Variants in UBASH3B observed in about 807,000 individuals in gnomAD.
UBASH3B encodes the protein ubiquitin-associated and SH3 domain-containing protein B.
A neutral mutation model predicts 83.4 loss-of-function variants in UBASH3B; 37 were observed. That is an observed-to-expected ratio of 0.44 (90% CI 0.34 to 0.58). UBASH3B has a LOEUF of 0.58. Ranked by LOEUF, UBASH3B falls within the 20% of genes least tolerant of loss-of-function variation. UBASH3B has a pLI of 0.01. For missense variants in UBASH3B, 657 were observed against 827.2 expected (o/e 0.79, Z 2.52); for synonymous variants, 304 against 318.3 (o/e 0.96, Z 0.48).
intron 1 of UBASH3B, among the ~76,000 whole-genome samples, chr11:122,678,255 C>A (rs1459125616): frequency 2.6e-5 from 4 of 152,178 alleles, no homozygotes; most frequent in African/African-American, 9.6e-5. Context: ...GAGAGAATAC[C>A]TATGTGACTG....
chr11:122,712,833 G>A lies in UBASH3B; in HGVS notation c.161+56623G>A, dbSNP rs1410775230. Reference sequence around the variant, plus strand: ...GATGAATGAGGAATAGTGGTACAGGGATGTACATCTCTGAGCTGAGCCCCA... The same window carrying A: ...GATGAATGAGGAATAGTGGTACAGGAATGTACATCTCTGAGCTGAGCCCCA... On this transcript the variant is annotated intron_variant, in intron 1 of 13. Transcript: ENST00000284273. Among the ~76,000 whole-genome samples, 8 of 150,038 alleles carry A rather than the reference G, an allele frequency of 5.3e-5. No individual in the cohort carries two copies. In the East Asian group the frequency reaches 1.6e-3, roughly 30 times the overall value.
chr11:122,718,144 C>A (rs1025230347), intron 1 of UBASH3B, among the ~76,000 whole-genome samples: 2 of 152,102 alleles, frequency 1.3e-5, no homozygotes, highest in East Asian at 3.9e-4. Context: ...AGGCAGGCCT[C>A]GAGCTCCTAA....
At position 122,774,295 on chromosome 11, in the gene UBASH3B, T is replaced by C. The variant is rs907991240; in HGVS notation, c.162-1924T>C. The C allele has an allele frequency of 4.1e-6, 4 of 985,334 alleles. No homozygotes were observed. The African/African-American group carries it at 7.0e-5, about 17-fold the overall frequency. The allele number at this position is 985,334 out of a possible 1,614,324, so 61.0% of individuals were successfully genotyped here. ...AGGCTTGCCTTTTACAGTGCTGTTCTCATTAGCTGTGCAGACTTCCTTATC... is the reference window on the plus strand; with the variant it reads ...AGGCTTGCCTTTTACAGTGCTGTTCCCATTAGCTGTGCAGACTTCCTTATC... On this transcript the variant is annotated intron_variant, in intron 1 of 13. Transcript: ENST00000284273.
At chr11:122,747,818 G>C (rs1264105643) in intron 1 of UBASH3B, among the ~76,000 whole-genome samples, 1 of 152,206 alleles carries the variant, frequency 6.6e-6, no homozygotes, top group African/African-American at 2.4e-5. Flanking sequence ...AAACTGCCTG[G>C]TTTCAAATCC....
intron 1 of UBASH3B, among the ~76,000 whole-genome samples, chr11:122,694,950 C>CTTTTT (rs1863944579): frequency 1.3e-5 from 1 of 77,122 alleles, no homozygotes; most frequent in African/African-American, 4.5e-5. Context: ...CTTTTCTTTT[C>CTTTTT]TTTCTTTTTT....
At chr11:122,751,379 C>A in intron 1 of UBASH3B, among the ~76,000 whole-genome samples, 1 of 152,184 alleles carries the variant, frequency 6.6e-6, no homozygotes, top group Admixed American at 6.5e-5. Flanking sequence ...GTGTCACACT[C>A]CTTCTCTGCC....
At chr11:122,657,024 C>G (rs1044647962) in intron 1 of UBASH3B, among the ~76,000 whole-genome samples, 1 of 152,172 alleles carries the variant, frequency 6.6e-6, no homozygotes, top group African/African-American at 2.4e-5. Flanking sequence ...CGTCTCAGGC[C>G]GGTCGGCTCA....
intron 1 of UBASH3B, among the ~76,000 whole-genome samples, chr11:122,690,760 C>T (rs1005411256): frequency 3.9e-5 from 6 of 152,144 alleles, no homozygotes. Flanking sequence ...GTGAATGCCT[C>T]GGTTGTGGGA....
At chr11:122,697,120 A>G (rs1046784091) in intron 1 of UBASH3B, among the ~76,000 whole-genome samples, 1 of 152,176 alleles carries the variant, frequency 6.6e-6, no homozygotes, top group Non-Finnish European at 1.5e-5. Flanking sequence ...GGGAAGTTTG[A>G]AGTTTTGTTT....
chr11:122,774,959 T>G (rs887840151), intron 1 of UBASH3B, among the ~76,000 whole-genome samples: 3 of 152,086 alleles, frequency 2.0e-5, no homozygotes, highest in Non-Finnish European at 2.9e-5. Context: ...CCAGGTTAGA[T>G]CTCCCTGTCC....
Position 122,758,562 on chromosome 11 carries a change from C to T in UBASH3B, c.162-17657C>T, listed in dbSNP as rs975760936. 1.3e-5 allele frequency among the ~76,000 whole-genome samples: 2 copies of T among 152,192 alleles called. No individual in the cohort carries two copies. Among genetic ancestry groups the T allele is most frequent in the Admixed American group, 1.3e-4 (2 of 15,290 alleles). ...GTGGCCGTAGAACACCGACCCTGTGCCAAACTCAGAGCTAAGCATGTCACA... is the reference window on the plus strand; with the variant it reads ...GTGGCCGTAGAACACCGACCCTGTGTCAAACTCAGAGCTAAGCATGTCACA... On this transcript the variant is annotated intron_variant, in intron 1 of 13. Coordinates refer to ENST00000284273, the MANE Select transcript of UBASH3B (RefSeq NM_032873.5). This position sits in a 1 kb window ranked among gnomAD's most constrained non-coding sequence, Gnocchi z 4.2.
intron 1 of UBASH3B, among the ~76,000 whole-genome samples, chr11:122,775,381 C>T (rs1008054577): frequency 7.2e-5 from 11 of 152,178 alleles, no homozygotes; most frequent in South Asian, 4.1e-4. Flanking sequence ...TCTCCAGAAG[C>T]GAGAATGATA....
rs542676724 is a variant in UBASH3B at position 122,811,210 on chromosome 11, G to A, written c.*1324G>A. 58 of 152,740 alleles carry A rather than the reference G, an allele frequency of 3.8e-4. No homozygotes were observed. The highest frequency in any genetic ancestry group is 1.3e-3 in the African/African-American group (56 of 41,568). The allele number at this position is 152,740 out of a possible 1,614,324, so 9.5% of individuals were successfully genotyped here. A position where few individuals can be genotyped will look rare whatever the true frequency, so the allele number is the denominator to read the frequency against. ...TGTTTAATTGTGTGACTATCTGACT[G>A]TTGATGGCCACAGATGATGGTCTCC... On this transcript the variant is annotated 3_prime_UTR_variant, in exon 14 of 14. Coordinates refer to ENST00000284273, the MANE Select transcript of UBASH3B (RefSeq NM_032873.5).
intron 1 of UBASH3B, among the ~76,000 whole-genome samples, chr11:122,738,836 G>A (rs1364500913): frequency 1.3e-5 from 2 of 149,238 alleles, no homozygotes; most frequent in African/African-American, 5.0e-5. Context: ...GTGGTGAGCC[G>A]AGATCACACC....
intron 1 of UBASH3B, among the ~76,000 whole-genome samples, chr11:122,658,178 G>GAAAA (rs1254190970): frequency 4.5e-5 from 5 of 111,328 alleles, no homozygotes; most frequent in East Asian, 2.9e-4. Context: ...TTCATCTCAA[G>GAAAA]AAAAAAAAAA....
intron 9 of UBASH3B, among the ~76,000 whole-genome samples, chr11:122,798,354 C>T (rs981702494): frequency 6.6e-6 from 1 of 152,034 alleles, no homozygotes; most frequent in African/African-American, 2.4e-5. Context: ...AAGTATTGTC[C>T]TGTTTCTAAA....
At chr11:122,765,306 G>A (rs1207496455) in intron 1 of UBASH3B, among the ~76,000 whole-genome samples, 15 of 152,206 alleles carry the variant, frequency 9.9e-5, no homozygotes, top group Admixed American at 7.2e-4. Flanking sequence ...CAAGGGTCTG[G>A]AGTAGAGCTC....
chr11:122,755,425 C>T (rs536207372), intron 1 of UBASH3B, among the ~76,000 whole-genome samples: 2 of 152,204 alleles, frequency 1.3e-5, no homozygotes, highest in Middle Eastern at 3.4e-3. Flanking sequence ...ATCAGGTTAT[C>T]GCTTTGGCAA....
intron 1 of UBASH3B, among the ~76,000 whole-genome samples, chr11:122,710,912 C>A (rs1864182707): frequency 6.6e-6 from 1 of 152,068 alleles, no homozygotes; most frequent in African/African-American, 2.4e-5. Flanking sequence ...AGGCATATAC[C>A]CTGGATTTTC....
Sources: gnomAD v4.1 joint callset for allele counts (sites outside exome capture counted in the v4.1 genomes callset) on GRCh38, gnomAD v4.1.1 for gene constraint, Gnocchi (gnomAD v3.1) non-coding constraint, MANE v1.5 for transcripts, NCBI Gene and HGNC (gene_info 2026-07-23, HGNC 2026-07-21) for gene names.